The following GRID2 variants were observed in gnomAD, a reference collection of about 807,000 sequenced individuals.
GRID2 encodes the protein glutamate ionotropic receptor delta type subunit 2.
GRID2 carries 33 observed loss-of-function variants against 114.8 expected under a neutral mutation model. The observed-to-expected ratio is 0.29, with a 90% CI of 0.22 to 0.38. The LOEUF (loss-of-function observed/expected upper bound fraction) is 0.38. Ranked by LOEUF, GRID2 falls within the 10% of genes least tolerant of loss-of-function variation. The probability of loss-of-function intolerance (pLI) is 1.00; values close to 1 mark genes in which losing one functional copy is unlikely to be tolerated. For missense variants in GRID2, 1,184 were observed against 1,257.7 expected, an observed-to-expected ratio of 0.94 and a Z score of 0.89; for synonymous variants, 505 against 449.9, an observed-to-expected ratio of 1.12 and a Z score of -1.55.
chr4:92,505,531 G>A (rs898520148), intron 1 of GRID2, among the ~76,000 whole-genome samples: 3 of 151,934 alleles, frequency 2.0e-5, no homozygotes, highest in African/African-American at 4.8e-5. Context: ...TGATGCCCAC[G>A]GGTTAGTGTT....
At chr4:93,463,619 C>G (rs369593569) in intron 11 of GRID2, among the ~76,000 whole-genome samples, 6 of 152,148 alleles carry the variant, frequency 3.9e-5, no homozygotes, top group African/African-American at 1.4e-4. Flanking sequence ...AAGAAAGAAG[C>G]TGTTTCCTAA....
Position 93,512,693 on chromosome 4 carries a change from A to G in GRID2, c.1998-2523A>G, listed in dbSNP as rs141414566. 1.7e-4 allele frequency among the ~76,000 whole-genome samples: 26 copies of G among 152,322 alleles called. No homozygotes were observed. In the East Asian group the frequency reaches 5.0e-3, roughly 29 times the overall value. On this transcript the variant is annotated intron_variant, in intron 12 of 15. Coordinates refer to ENST00000282020, the MANE Select transcript of GRID2 (RefSeq NM_001510.4). ...ATTCTAAACTTGAAGTATGTTGAAT[A>G]TAAACTGCCTTTTTTGTAACACCAG...
chr4:92,943,840 T>A (rs891148906), intron 2 of GRID2, among the ~76,000 whole-genome samples: 2 of 152,182 alleles, frequency 1.3e-5, no homozygotes, highest in African/African-American at 4.8e-5. Context: ...TTGCTGGAGG[T>A]CCACTCCAGG....
chr4:93,050,347 C>G (rs1726572103), intron 2 of GRID2, among the ~76,000 whole-genome samples: 1 of 151,920 alleles, frequency 6.6e-6, no homozygotes, highest in Non-Finnish European at 1.5e-5. Flanking sequence ...ATCCTCGTTG[C>G]TTTTTTAAAA....
intron 1 of GRID2, among the ~76,000 whole-genome samples, chr4:92,553,872 G>C (rs7659896): frequency 0.22 from 33,812 of 152,006 alleles, 4,663 homozygotes; most frequent in African/African-American, 0.39. Context: ...GAGTGGTCTT[G>C]ATCTCCTGAC....
At chr4:93,139,325 G>A (rs1404679073) in intron 4 of GRID2, among the ~76,000 whole-genome samples, 1 of 152,152 alleles carries the variant, frequency 6.6e-6, no homozygotes, top group Non-Finnish European at 1.5e-5. Context: ...CAAATTTGCA[G>A]GCAGAGGGCC....
chr4:92,476,655 A>G (rs1367336053), intron 1 of GRID2, among the ~76,000 whole-genome samples: 4 of 152,302 alleles, frequency 2.6e-5, no homozygotes, highest in African/African-American at 9.6e-5. Flanking sequence ...CTCAGAATCT[A>G]CTTATAACCA....
At chr4:92,702,484 C>T (rs1045885369) in intron 2 of GRID2, 2 of 152,044 alleles carry the variant, frequency 1.3e-5, no homozygotes, top group Non-Finnish European at 2.9e-5. Context: ...CTATTTCAAC[C>T]ATTTGCTGAT....
intron 2 of GRID2, among the ~76,000 whole-genome samples, chr4:93,037,536 T>C (rs1003051063): frequency 2.6e-5 from 4 of 152,176 alleles, no homozygotes; most frequent in African/African-American, 7.2e-5. Context: ...CTGAATGGTA[T>C]TGCCTAGGTT....
chr4:93,353,914 A>C (rs1399056245), intron 8 of GRID2, among the ~76,000 whole-genome samples: 2 of 152,016 alleles, frequency 1.3e-5, no homozygotes, highest in Non-Finnish European at 2.9e-5. Flanking sequence ...GTAGGCACCT[A>C]CAAACTTTGA....
At position 93,774,299 on chromosome 4, in the gene GRID2, A is replaced by T. The variant is rs2110345283; in HGVS notation, c.*1801A>T. 1 of 152,224 alleles carries T rather than the reference A, an allele frequency of 6.6e-6. No homozygotes were observed. Among genetic ancestry groups the T allele is most frequent in the African/African-American group, 2.4e-5 (1 of 41,570 alleles). The allele number at this position is 152,224 out of a possible 1,614,324, so 9.4% of individuals were successfully genotyped here. ...TGCACAACTTGTTTTCCCTTGTAAC[A>T]TTCATGATCTCATTTACAACTCTGA... On this transcript the variant is annotated 3_prime_UTR_variant, in exon 16 of 16. Transcript: ENST00000282020.
At chr4:92,869,011 A>G (rs1745092290) in intron 2 of GRID2, among the ~76,000 whole-genome samples, 1 of 152,208 alleles carries the variant, frequency 6.6e-6, no homozygotes, top group African/African-American at 2.4e-5. Flanking sequence ...AGTATATACA[A>G]TTTTCTGTGG....
intron 2 of GRID2, among the ~76,000 whole-genome samples, chr4:92,757,847 TA>T (rs35356936): frequency 0.086 from 12,298 of 142,278 alleles, 624 homozygotes; most frequent in Middle Eastern, 0.21. Context: ...AAAACGATGT[TA>T]AAAAAAAAAA....
At chr4:92,330,624 T>C (rs1726834094) in intron 1 of GRID2, among the ~76,000 whole-genome samples, 1 of 152,160 alleles carries the variant, frequency 6.6e-6, no homozygotes, top group Non-Finnish European at 1.5e-5. Flanking sequence ...AAAAAGAATC[T>C]TCTTGTGGTT....
intron 2 of GRID2, among the ~76,000 whole-genome samples, chr4:92,745,966 C>T (rs1349432632): frequency 6.6e-6 from 1 of 152,112 alleles, no homozygotes; most frequent in African/African-American, 2.4e-5. Context: ...CATGATTTGA[C>T]TGCTGAACAA....
intron 2 of GRID2, among the ~76,000 whole-genome samples, chr4:92,638,774 T>G (rs1731199326): frequency 6.6e-6 from 1 of 150,726 alleles, no homozygotes; most frequent in Non-Finnish European, 1.5e-5. Flanking sequence ...ACAAATTTAT[T>G]TTTAATATTA....
intron 14 of GRID2, among the ~76,000 whole-genome samples, chr4:93,739,106 G>A (rs1437580718): frequency 6.6e-6 from 1 of 152,092 alleles, no homozygotes; most frequent in Non-Finnish European, 1.5e-5. Flanking sequence ...ATAGAAGAGG[G>A]AAGGGGCACA....
intron 2 of GRID2, among the ~76,000 whole-genome samples, chr4:92,978,088 T>C (rs1467566294): frequency 6.6e-6 from 1 of 152,062 alleles, no homozygotes; most frequent in Non-Finnish European, 1.5e-5. Context: ...GACCAATCCA[T>C]AGGTATTTTG....
chr4:92,420,448 T>G (rs1306436784), intron 1 of GRID2, among the ~76,000 whole-genome samples: 1 of 152,134 alleles, frequency 6.6e-6, no homozygotes, highest in Non-Finnish European at 1.5e-5. Context: ...TGAAGACCAT[T>G]TATTAGCATA....
Sources: allele counts gnomAD v4.1 joint callset (sites outside exome capture counted in the v4.1 genomes callset), GRCh38; gene constraint gnomAD v4.1.1; transcripts MANE v1.5; gene names NCBI Gene and HGNC (gene_info 2026-07-23, HGNC 2026-07-21).